Variants in KLHL23 observed in about 807,000 individuals in gnomAD.
The protein encoded by KLHL23 is kelch-like protein 23.
Under a neutral mutation model 48.9 loss-of-function variants are expected in KLHL23, and 33 were observed. That is an observed-to-expected ratio of 0.67 (90% CI 0.51 to 0.90). The LOEUF is 0.90. Ranked by LOEUF, KLHL23 falls within the 40% of genes least tolerant of loss-of-function variation. The pLI, the probability that KLHL23 is intolerant of heterozygous loss-of-function variation, is 0.00. For missense variants in KLHL23, 608 were observed against 669.6 expected, an observed-to-expected ratio of 0.91 and a Z score of 1.02; for synonymous variants, 234 against 231.6, an observed-to-expected ratio of 1.01 and a Z score of -0.09.
intron 1 of KLHL23, 104 bp from the exon 2 acceptor site, chr2:169,734,909 T>C (rs1486743009): frequency 2.1e-5 from 29 of 1,406,692 alleles, no homozygotes; most frequent in Non-Finnish European, 2.7e-5. Context: ...CTGAACTTAG[T>C]CCAGTTTTGG....
At chr2:169,742,068 A>G (rs1409234914) in intron 3 of KLHL23, among the ~76,000 whole-genome samples, 1 of 152,244 alleles carries the variant, frequency 6.6e-6, no homozygotes, top group Non-Finnish European at 1.5e-5. Flanking sequence ...TCTGCCCATA[A>G]GGAATGGCCT....
At position 169,736,078 on chromosome 2, in the gene KLHL23, T is replaced by A; in HGVS notation, c.1064T>A (p.Met355Lys). 1 of 1,614,186 alleles carries A rather than the reference T, an allele frequency of 6.2e-7. No individual in the cohort carries two copies. The highest frequency in any genetic ancestry group is 1.3e-5 in the African/African-American group (1 of 75,052). The change falls in exon 2 of 4, where the codon ATG (methionine) becomes AAG (lysine). Residue 355 changes from methionine to lysine, a missense_variant. By Grantham distance (95) the Met-to-Lys change is moderately conservative (BLOSUM62 -1). Around this residue, in one of 3 missense-constraint regions of KLHL23, gnomAD observed 419 missense variants for 473.1 expected, o/e 0.89. Coordinates refer to ENST00000392647, the MANE Select transcript of KLHL23 (RefSeq NM_144711.6). ...ESDEWTEGLPMLNARYYHCAV... is the reference protein window; with the variant it reads ...ESDEWTEGLPKLNARYYHCAV... ...GATGAATGGACAGAAGGTTTGCCAA[T>A]GCTCAATGCCAGGTATTACCACTGT... is the stretch of plus-strand genomic sequence containing the variant.
Position 169,736,090 on chromosome 2 carries a change from G to A in KLHL23, c.1076G>A (p.Arg359Lys). The A allele has an allele frequency of 4.3e-6, 7 of 1,614,144 alleles. No individual in the cohort carries two copies. Among genetic ancestry groups the A allele is most frequent in the Non-Finnish European group, 5.9e-6 (7 of 1,180,034 alleles). The change falls in exon 2 of 4, where the codon AGG (arginine) becomes AAG (lysine). Residue 359 changes from arginine (R) to lysine (K), a missense_variant. Physicochemically the swap from Arg to Lys is conservative, Grantham distance 26. Around this residue, in one of 3 missense-constraint regions of KLHL23, gnomAD observed 419 missense variants for 473.1 expected, o/e 0.89. Transcript: ENST00000392647. ...GAAGGTTTGCCAATGCTCAATGCCA[G>A]GTATTACCACTGTGCAGTCACCTTG... ...WTEGLPMLNA[R>K]YYHCAVTLGG...
At position 169,741,541 on chromosome 2, in the gene KLHL23, A is replaced by G; in HGVS notation, c.1366+4A>G. On this transcript the variant is annotated splice_donor_region_variant and intron_variant, in intron 3 of 3. Transcript: ENST00000392647. ...ATCACCTCCAGTCCACATCCAGGTA[A>G]CAAAAATACTGTCTCAAATAGTGTA... 6.2e-7 allele frequency: 1 copy of G among 1,612,052 alleles called. No individual in the cohort carries two copies. Among genetic ancestry groups the G allele is most frequent in the Non-Finnish European group, 8.5e-7 (1 of 1,178,766 alleles).
At chr2:169,739,257 G>A (rs975570215) in intron 2 of KLHL23, among the ~76,000 whole-genome samples, 4 of 151,412 alleles carry the variant, frequency 2.6e-5, no homozygotes, top group Non-Finnish European at 4.4e-5. Context: ...TCAGGCCCTC[G>A]AGACCGCCCA....
In KLHL23 at chr2:169,735,071, A is replaced by G; in HGVS notation, c.57A>G (p.Pro19=). ...ATCTTTTCAAGGATTCAACACATCC[A>G]GTGGATTTTCTGGATGCATTCAGAA... ...YIYLFKDSTH[P]VDFLDAFRTF... The change falls in exon 2 of 4, where the codon CCA becomes CCG. Residue 19 remains proline, a synonymous_variant. Coordinates refer to ENST00000392647, the MANE Select transcript of KLHL23 (RefSeq NM_144711.6). This position sits in a 1 kb window ranked among gnomAD's most constrained non-coding sequence, Gnocchi z 4.5. 2 of 1,596,788 alleles carry G rather than the reference A, an allele frequency of 1.3e-6. No individual in the cohort carries two copies. Among genetic ancestry groups the G allele is most frequent in the Non-Finnish European group, 1.7e-6 (2 of 1,174,828 alleles).
At chr2:169,746,714 T>TA in intron 3 of KLHL23, among the ~76,000 whole-genome samples, 1 of 152,246 alleles carries the variant, frequency 6.6e-6, no homozygotes, top group African/African-American at 2.4e-5. Context: ...TCACTTTACT[T>TA]AAATATTTTT....
intron 3 of KLHL23, 115 bp from the exon 4 acceptor site, chr2:169,749,307 A>G (rs1688881751): frequency 8.9e-7 from 1 of 1,121,370 alleles, no homozygotes; most frequent in African/African-American, 1.6e-5. Flanking sequence ...AAATACCACC[A>G]CTCCCTATTT....
intron 2 of KLHL23, among the ~76,000 whole-genome samples, chr2:169,739,381 G>A (rs1688619765): frequency 6.6e-6 from 1 of 152,032 alleles, no homozygotes; most frequent in Non-Finnish European, 1.5e-5. Flanking sequence ...TCTTTGTTGG[G>A]CATCAGTAAG....
intron 3 of KLHL23, among the ~76,000 whole-genome samples, chr2:169,748,235 G>A (rs1287753499): frequency 1.3e-5 from 2 of 152,252 alleles, no homozygotes; most frequent in African/African-American, 4.8e-5. Context: ...TGGGTGGTCA[G>A]GGAATGCCCT....
At chr2:169,746,651 A>G (rs1462777592) in intron 3 of KLHL23, among the ~76,000 whole-genome samples, 1 of 152,242 alleles carries the variant, frequency 6.6e-6, no homozygotes, top group Non-Finnish European at 1.5e-5. Context: ...GTTCCTATCC[A>G]CAACAATAGA....
rs1688895835 is a variant in KLHL23, at chr2:169,749,735, G to C, written c.*3G>C. ...GTGTTTGTGTGTATAATGTCTAATTGAATCTGCAGAAATGACCAAGCAATC... is the reference window on the plus strand; with the variant it reads ...GTGTTTGTGTGTATAATGTCTAATTCAATCTGCAGAAATGACCAAGCAATC... On this transcript the variant is annotated 3_prime_UTR_variant, in exon 4 of 4. Transcript: ENST00000392647. The C allele has an allele frequency of 6.3e-7, 1 of 1,585,374 alleles. No individual in the cohort carries two copies. The highest frequency in any genetic ancestry group is 1.3e-5 in the African/African-American group (1 of 74,206).
At chr2:169,747,407 A>AAAAAC (rs1688820693) in intron 3 of KLHL23, among the ~76,000 whole-genome samples, 2 of 150,392 alleles carry the variant, frequency 1.3e-5, no homozygotes, top group African/African-American at 4.9e-5. Flanking sequence ...AAAAAAAAAA[A>AAAAAC]ACTGAGGGAG....
At chr2:169,738,018 C>T (rs1394672137) in intron 2 of KLHL23, among the ~76,000 whole-genome samples, 1 of 152,224 alleles carries the variant, frequency 6.6e-6, no homozygotes, top group Non-Finnish European at 1.5e-5. Flanking sequence ...TACTGTGAAA[C>T]AAAAGCCATA....
chr2:169,745,842 C>T (rs1328771166), intron 3 of KLHL23, among the ~76,000 whole-genome samples: 1 of 151,984 alleles, frequency 6.6e-6, no homozygotes, highest in African/African-American at 2.4e-5. Context: ...ATGATGAGCT[C>T]GATTTTATAG....
Position 169,735,230 on chromosome 2 carries a change from A to C in KLHL23, c.216A>C (p.Glu72Asp). 3.1e-6 allele frequency: 5 copies of C among 1,603,110 alleles called. No individual in the cohort carries two copies. The highest frequency in any genetic ancestry group is 4.2e-6 in the Non-Finnish European group (5 of 1,177,496). The change falls in exon 2 of 4, where the codon GAA (glutamate) becomes GAC (aspartate). Residue 72 changes from glutamate (E) to aspartate (D), a missense_variant. Transcript: ENST00000392647. This position sits in a 1 kb window ranked among gnomAD's most constrained non-coding sequence, Gnocchi z 4.5. ...FKAMFTADMK[E>D]KFKNKIKLSG... ...CAATGTTCACAGCTGACATGAAAGA[A>C]AAATTTAAAAATAAAATAAAACTCT...
Position 169,741,543 on chromosome 2 carries a change from A to C in KLHL23, c.1366+6A>C. On this transcript the variant is annotated splice_donor_region_variant and intron_variant, in intron 3 of 3. Coordinates refer to ENST00000392647, the MANE Select transcript of KLHL23 (RefSeq NM_144711.6). ...CACCTCCAGTCCACATCCAGGTAAC[A>C]AAAATACTGTCTCAAATAGTGTATG... The C allele has an allele frequency of 1.2e-6, 2 of 1,611,710 alleles. No individual in the cohort carries two copies. Among genetic ancestry groups the C allele is most frequent in the East Asian group, 4.5e-5 (2 of 44,854 alleles).
rs1416024818 is a variant in KLHL23 at position 169,735,790 on chromosome 2, C to T, written c.776C>T (p.Ala259Val). 6.2e-7 allele frequency: 1 copy of T among 1,614,066 alleles called. No individual in the cohort carries two copies. The highest frequency in any genetic ancestry group is 2.2e-5 in the East Asian group (1 of 44,878). Residue 259 changes from alanine to valine, a missense_variant, in exon 2 of 4, where the codon GCC (alanine) becomes GTC (valine). Physicochemically the swap from Ala to Val is moderately conservative, Grantham distance 64. Transcript: ENST00000392647. The surrounding 1 kb of genome is among the most constrained non-coding windows in gnomAD (Gnocchi z 4.5). ...ENKIRSLIYN[A>V]LNPMHKEISQ... The stretch of plus-strand genomic sequence containing the variant: ...AAGATCCGCTCCCTAATATACAATG[C>T]CTTGAATCCCATGCATAAAGAGATT...
chr2:169,740,374 A>G (rs1688644098), intron 2 of KLHL23, among the ~76,000 whole-genome samples: 1 of 151,874 alleles, frequency 6.6e-6, no homozygotes, highest in Non-Finnish European at 1.5e-5. Context: ...TCAGCCTCCT[A>G]AACTTCTGGA....
Sources: allele counts gnomAD v4.1 joint callset (sites outside exome capture counted in the v4.1 genomes callset), GRCh38; gene constraint gnomAD v4.1.1; regional missense constraint gnomAD v4.1.1; non-coding constraint Gnocchi (gnomAD v3.1); transcripts MANE v1.5; gene names NCBI Gene and HGNC (gene_info 2026-07-23, HGNC 2026-07-21).